Variants in SLC6A17 observed in about 807,000 individuals in gnomAD.
The protein encoded by SLC6A17 is solute carrier family 6 member 17.
SLC6A17 carries 21 observed loss-of-function variants against 64.5 expected under a neutral mutation model. The ratio of observed to expected loss-of-function variants is 0.33; its 90% CI spans 0.23 to 0.47. SLC6A17 has a LOEUF of 0.47. SLC6A17 is among the 20% of genes least tolerant of loss of function. The pLI, the probability that SLC6A17 is intolerant of heterozygous loss-of-function variation, is 1.00. For synonymous variants in SLC6A17, 372 were observed against 399.5 expected, an observed-to-expected ratio of 0.93 and a Z score of 0.82; for missense variants, 682 against 963.2, an observed-to-expected ratio of 0.71 and a Z score of 3.86.
intron 6 of SLC6A17, among the ~76,000 whole-genome samples, chr1:110,184,247 A>G (rs1042879983): frequency 6.6e-6 from 1 of 152,038 alleles, no homozygotes; most frequent in Non-Finnish European, 1.5e-5. Context: ...AGTAGCTGGG[A>G]CTACAGGCAT....
chr1:110,181,586 T>C (rs979341495), intron 6 of SLC6A17, among the ~76,000 whole-genome samples: 1 of 152,194 alleles, frequency 6.6e-6, no homozygotes, highest in African/African-American at 2.4e-5. Flanking sequence ...TAAAGAATTG[T>C]CATTAACTGT....
At chr1:110,176,040 A>G (rs1258289897) in intron 5 of SLC6A17, among the ~76,000 whole-genome samples, 2 of 152,158 alleles carry the variant, frequency 1.3e-5, no homozygotes, top group Non-Finnish European at 2.9e-5. Context: ...CTGCCCAAAC[A>G]GCCCTCTTCC....
At chr1:110,189,869 C>G (rs1656781308) in intron 6 of SLC6A17, among the ~76,000 whole-genome samples, 1 of 152,226 alleles carries the variant, frequency 6.6e-6, no homozygotes, top group Non-Finnish European at 1.5e-5. Flanking sequence ...CCTTGCCTGG[C>G]CTCCCAACTT....
intron 10 of SLC6A17, among the ~76,000 whole-genome samples, 165 bp from the exon 11 acceptor site, chr1:110,197,272 C>T (rs1557842659): frequency 6.6e-6 from 1 of 152,182 alleles, no homozygotes; most frequent in Admixed American, 6.5e-5. Flanking sequence ...AGAGCCTTCC[C>T]AGAGGCCAGC....
intron 6 of SLC6A17, among the ~76,000 whole-genome samples, chr1:110,178,323 G>A (rs952410799): frequency 9.8e-5 from 15 of 152,296 alleles, no homozygotes; most frequent in African/African-American, 3.1e-4. Flanking sequence ...CTAGGAGCAA[G>A]AGGAACAGAT....
chr1:110,188,766 C>G (rs776301585), intron 6 of SLC6A17, among the ~76,000 whole-genome samples: 9 of 152,222 alleles, frequency 5.9e-5, no homozygotes, highest in Non-Finnish European at 2.9e-5. Context: ...TAGCCTTCTC[C>G]GGATACTGCC....
intron 4 of SLC6A17, 35 bp downstream of exon 4, chr1:110,174,134 C>G (rs1184633783): frequency 6.2e-7 from 1 of 1,609,686 alleles, no homozygotes; most frequent in Non-Finnish European, 8.5e-7. Context: ...TGCCAGCCAG[C>G]CCTGTCCCAG....
intron 1 of SLC6A17, among the ~76,000 whole-genome samples, chr1:110,153,519 ATGTGTGTG>A (rs3222731): frequency 2.2e-5 from 3 of 137,348 alleles, no homozygotes; most frequent in Admixed American, 7.3e-5. Context: ...GCTACTGGAA[ATGTGTGTG>A]TGTGTGTGTG....
Position 110,172,087 on chromosome 1 carries a change from T to C in SLC6A17, c.314T>C (p.Leu105Pro). ...GCTTACCTGGTGCCCTACCTGGTGC[T>C]GCTGATCATCATCGGGATCCCCCTC... ...GGAYLVPYLV[L>P]LIIIGIPLFF... is the part of the protein sequence containing the mutation. The change falls in exon 3 of 12, where the codon CTG becomes CCG. Residue 105 changes from leucine (L) to proline (P), a missense_variant. By Grantham distance (98) the Leu-to-Pro change is moderately conservative. Transcript: ENST00000331565. 6.2e-7 allele frequency: 1 copy of C among 1,614,176 alleles called. No homozygotes were observed. Among genetic ancestry groups the C allele is most frequent in the Non-Finnish European group, 8.5e-7 (1 of 1,180,018 alleles).
rs1416617182 is a variant in SLC6A17 at position 110,194,729 on chromosome 1, C to A, written c.1450C>A (p.Pro484Thr). Residue 484 changes from proline (P) to threonine (T), a missense_variant, in exon 9 of 12, where the codon CCC becomes ACC. By Grantham distance (38) the Pro-to-Thr change is conservative. Around this residue, in one of 3 missense-constraint regions of SLC6A17, gnomAD observed 264 missense variants for 339.5 expected, o/e 0.78. Transcript: ENST00000331565. The stretch of plus-strand genomic sequence containing the variant: ...CGGGACCATGGCAGGCATCACCACG[C>A]CCATCATCGACACCTTCAAGGTGCC... ...MIGTMAGITT[P>T]IIDTFKVPKE... The A allele has an allele frequency of 6.2e-7, 1 of 1,614,146 alleles. No homozygotes were observed. Among genetic ancestry groups the A allele is most frequent in the Non-Finnish European group, 8.5e-7 (1 of 1,180,040 alleles).
rs529190839 is a variant in SLC6A17, at chr1:110,166,859, G to A, written c.-71G>A. ...GTTTCCTAGGTCCCTGAATGAGAAG[G>A]AGCTGACAGCAGCTGAATTCCATCT... On this transcript the variant is annotated 5_prime_UTR_variant, in exon 2 of 12. Coordinates refer to ENST00000331565, the MANE Select transcript of SLC6A17 (RefSeq NM_001010898.4). 3.3e-6 allele frequency: 5 copies of A among 1,514,462 alleles called. No individual in the cohort carries two copies. The highest frequency in any genetic ancestry group is 1.4e-5 in the African/African-American group (1 of 72,334). 93.8% of individuals were successfully genotyped at this position (1,514,462 alleles called of 1,614,324 possible).
At chr1:110,195,559 C>T (rs1330877877) in intron 9 of SLC6A17, 27 bp from the exon 10 acceptor site, 1 of 1,612,590 alleles carries the variant, frequency 6.2e-7, no homozygotes, top group Admixed American at 1.7e-5. Flanking sequence ...ACCTTTGCCC[C>T]CAAACCGGCC....
At chr1:110,185,347 C>A (rs918283503) in intron 6 of SLC6A17, among the ~76,000 whole-genome samples, 1 of 152,210 alleles carries the variant, frequency 6.6e-6, no homozygotes, top group Non-Finnish European at 1.5e-5. Flanking sequence ...AGCGGGAGCC[C>A]AGTGCTCCAG....
chr1:110,180,319 T>G (rs1423161006), intron 6 of SLC6A17, among the ~76,000 whole-genome samples: 1 of 152,168 alleles, frequency 6.6e-6, no homozygotes, highest in African/African-American at 2.4e-5. Context: ...CCTTCTTATA[T>G]TCCTGGGAAT....
chr1:110,165,309 C>A lies in SLC6A17; in HGVS notation c.-87-1534C>A, dbSNP rs1271600411. Among the ~76,000 whole-genome samples the A allele has an allele frequency of 6.6e-5, 10 of 152,294 alleles. No individual in the cohort carries two copies. In the South Asian group the frequency reaches 2.1e-3, roughly 32 times the overall value. ...AGTTCCACAGATGCACAAGTGCCAC[C>A]CGTGGGGCACCTTTTAGGATGCAAT... On this transcript the variant is annotated intron_variant, in intron 1 of 11. Transcript: ENST00000331565.
chr1:110,192,305 G>A lies in SLC6A17; in HGVS notation c.1106+92G>A. The A allele has an allele frequency of 1.3e-6, 2 of 1,530,288 alleles. No individual in the cohort carries two copies. The highest frequency in any genetic ancestry group is 1.8e-6 in the Non-Finnish European group (2 of 1,128,400). 94.8% of individuals were successfully genotyped at this position (1,530,288 alleles called of 1,614,324 possible). A position where few individuals can be genotyped will look rare whatever the true frequency, so the allele number is the denominator to read the frequency against. ...GGGGGCGCAGGTGTGCATGGGGAGA[G>A]AGGTCCCCTCCACTCAGACTGAGGA... is the stretch of plus-strand genomic sequence containing the variant. On this transcript the variant is annotated intron_variant, in intron 7 of 11. Transcript: ENST00000331565. This position sits in a 1 kb window ranked among gnomAD's most constrained non-coding sequence, Gnocchi z 4.3.
chr1:110,200,222 C>G lies in SLC6A17; in HGVS notation c.*1778C>G, dbSNP rs536264315. On this transcript the variant is annotated 3_prime_UTR_variant, in exon 12 of 12. Coordinates refer to ENST00000331565, the MANE Select transcript of SLC6A17 (RefSeq NM_001010898.4). ...GCCTGGGAGCAGTCTATCCCCCAAC[C>G]CTGCCATCTCCCTTACTCATCCCTC... 6 of 397,648 alleles carry G rather than the reference C, an allele frequency of 1.5e-5. No homozygotes were observed. Among genetic ancestry groups the G allele is most frequent in the South Asian group, 1.4e-4 (1 of 7,360 alleles). The allele number at this position is 397,648 out of a possible 1,614,324, so 24.6% of individuals were successfully genotyped here.
chr1:110,181,870 G>T (rs1481712891), intron 6 of SLC6A17, among the ~76,000 whole-genome samples: 2 of 152,212 alleles, frequency 1.3e-5, no homozygotes, highest in African/African-American at 4.8e-5. Flanking sequence ...GGGGAAGGAG[G>T]TAGGACGTAT....
intron 6 of SLC6A17, among the ~76,000 whole-genome samples, chr1:110,189,876 A>G (rs779519912): frequency 2.0e-5 from 3 of 152,170 alleles, no homozygotes; most frequent in Non-Finnish European, 4.4e-5. Flanking sequence ...TGGCCTCCCA[A>G]CTTGTTCAGA....
Sources: gnomAD v4.1 joint callset for allele counts (sites outside exome capture counted in the v4.1 genomes callset) on GRCh38, gnomAD v4.1.1 for gene constraint, gnomAD v4.1.1 regional missense constraint, Gnocchi (gnomAD v3.1) non-coding constraint, MANE v1.5 for transcripts, NCBI Gene and HGNC (gene_info 2026-07-23, HGNC 2026-07-21) for gene names.